NALCN: variants seen among roughly 807,000 people sequenced by gnomAD.
The protein encoded by NALCN is sodium leak channel NALCN.
Under a neutral mutation model 225.3 loss-of-function variants are expected in NALCN, and 111 were observed. That is an observed-to-expected ratio of 0.49 (90% CI 0.42 to 0.58). The LOEUF (loss-of-function observed/expected upper bound fraction) is 0.58, where lower values mean the gene tolerates loss of function less well. Ranked by LOEUF, NALCN falls within the 20% of genes least tolerant of loss-of-function variation. The probability of loss-of-function intolerance (pLI) is 0.00; values close to 1 mark genes in which losing one functional copy is unlikely to be tolerated. For synonymous variants in NALCN, 764 were observed against 769.0 expected (o/e 0.99, Z 0.11); for missense variants, 1,378 against 2,202.4 (o/e 0.63, Z 7.49).
intron 36 of NALCN, among the ~76,000 whole-genome samples, chr13:101,074,284 C>G (rs750056948): frequency 6.6e-6 from 1 of 151,932 alleles, no homozygotes; most frequent in Non-Finnish European, 1.5e-5. Context: ...TTTTTGTTTT[C>G]TTTTATTTCT....
intron 17 of NALCN, among the ~76,000 whole-genome samples, chr13:101,141,579 G>A (rs777093560): frequency 2.4e-4 from 37 of 152,144 alleles, no homozygotes; most frequent in Non-Finnish European, 4.0e-4. Context: ...GGAGCTGGGG[G>A]AGAGGTAAAC....
chr13:101,314,447 A>G (rs1488772592), intron 7 of NALCN, among the ~76,000 whole-genome samples: 2 of 152,232 alleles, frequency 1.3e-5, no homozygotes, highest in Non-Finnish European at 2.9e-5. Flanking sequence ...AGACTAATGT[A>G]GGAATAGGTG....
At chr13:101,330,615 C>T (rs150266505) in intron 7 of NALCN, among the ~76,000 whole-genome samples, 90 of 152,236 alleles carry the variant, frequency 5.9e-4, no homozygotes, top group African/African-American at 2.0e-3. Context: ...TTTTACAGTG[C>T]CCCCATAATG....
At chr13:101,353,208 C>A (rs944856148) in intron 6 of NALCN, among the ~76,000 whole-genome samples, 25 of 152,204 alleles carry the variant, frequency 1.6e-4, no homozygotes, top group Middle Eastern at 3.4e-3. Flanking sequence ...ATGAATATAG[C>A]CTTTGATACC....
intron 3 of NALCN, among the ~76,000 whole-genome samples, chr13:101,390,444 A>T (rs572084252): frequency 6.6e-6 from 1 of 152,252 alleles, no homozygotes; most frequent in East Asian, 1.9e-4. Context: ...CATGGAAAGA[A>T]AACAAAGGAA....
At chr13:101,111,507 T>C (rs1302545260) in intron 18 of NALCN, among the ~76,000 whole-genome samples, 1 of 152,068 alleles carries the variant, frequency 6.6e-6, no homozygotes, top group Admixed American at 6.5e-5. Flanking sequence ...CCAAAAATAA[T>C]GGTAGAGCTT....
intron 10 of NALCN, among the ~76,000 whole-genome samples, chr13:101,273,266 A>G (rs1292543862): frequency 1.3e-5 from 2 of 152,218 alleles, no homozygotes; most frequent in Non-Finnish European, 2.9e-5. Flanking sequence ...TGAGGGTCCA[A>G]TTGAATAGAC....
intron 14 of NALCN, among the ~76,000 whole-genome samples, chr13:101,187,512 G>C (rs1402533725): frequency 6.6e-6 from 1 of 152,180 alleles, no homozygotes; most frequent in Non-Finnish European, 1.5e-5. Flanking sequence ...TAATAGTCAA[G>C]AGATTAATAT....
At chr13:101,363,203 A>G (rs1429070948) in intron 6 of NALCN, among the ~76,000 whole-genome samples, 1 of 152,152 alleles carries the variant, frequency 6.6e-6, no homozygotes, top group Non-Finnish European at 1.5e-5. Flanking sequence ...CTATCAAAAT[A>G]CCAATGACAT....
intron 17 of NALCN, among the ~76,000 whole-genome samples, chr13:101,136,919 A>G (rs1033367085): frequency 5.9e-5 from 9 of 152,214 alleles, no homozygotes; most frequent in African/African-American, 2.2e-4. Context: ...GGTCCCACCA[A>G]CAGTGTAAAA....
chr13:101,346,663 A>C (rs2139305783), intron 6 of NALCN, among the ~76,000 whole-genome samples: 1 of 152,256 alleles, frequency 6.6e-6, no homozygotes, highest in Admixed American at 6.5e-5. Flanking sequence ...ATCCTTCTTA[A>C]GAATAGGTTG....
intron 13 of NALCN, among the ~76,000 whole-genome samples, chr13:101,223,655 A>G (rs781383285): frequency 2.6e-5 from 4 of 152,132 alleles, no homozygotes; most frequent in Non-Finnish European, 5.9e-5. Context: ...CATTCTAAAA[A>G]ACACCCTCAC....
At chr13:101,308,707 TA>T (rs1566558886) in intron 7 of NALCN, among the ~76,000 whole-genome samples, 1 of 152,174 alleles carries the variant, frequency 6.6e-6, no homozygotes, top group Non-Finnish European at 1.5e-5. Context: ...ATATGCTAAC[TA>T]AAAATTATTG....
At chr13:101,236,874 C>T (rs961030883) in intron 12 of NALCN, among the ~76,000 whole-genome samples, 3 of 150,478 alleles carry the variant, frequency 2.0e-5, no homozygotes, top group Non-Finnish European at 4.4e-5. Flanking sequence ...TGTAACTAAC[C>T]TGCACATTGT....
At chr13:101,244,939 T>G (rs774720802) in intron 11 of NALCN, among the ~76,000 whole-genome samples, 41 of 152,336 alleles carry the variant, frequency 2.7e-4, no homozygotes, top group Non-Finnish European at 3.5e-4. Context: ...GCCAGGGGCA[T>G]GCTGGGAGCC....
At chr13:101,092,427 C>T (rs1566803938) in intron 28 of NALCN, among the ~76,000 whole-genome samples, 1 of 152,214 alleles carries the variant, frequency 6.6e-6, no homozygotes, top group Non-Finnish European at 1.5e-5. Context: ...CTTCCTACAG[C>T]ACCCCAACGC....
intron 30 of NALCN, among the ~76,000 whole-genome samples, chr13:101,086,301 T>G (rs1027489919): frequency 6.6e-6 from 1 of 152,060 alleles, no homozygotes; most frequent in Non-Finnish European, 1.5e-5. Flanking sequence ...GATTCTTCTT[T>G]AATATATACA....
At chr13:101,297,421 A>G (rs781688895) in intron 7 of NALCN, among the ~76,000 whole-genome samples, 2 of 152,324 alleles carry the variant, frequency 1.3e-5, no homozygotes, top group Non-Finnish European at 2.9e-5. Flanking sequence ...TAAAAGAACA[A>G]AGAGGATTTA....
chr13:101,348,768 C>A (rs542352602), intron 6 of NALCN, among the ~76,000 whole-genome samples: 2 of 152,146 alleles, frequency 1.3e-5, no homozygotes, highest in South Asian at 4.1e-4. Context: ...AACATTTTTA[C>A]CAACATCAAG....
Sources: gnomAD v4.1 joint callset for allele counts (sites outside exome capture counted in the v4.1 genomes callset) on GRCh38, gnomAD v4.1.1 for gene constraint, MANE v1.5 for transcripts, NCBI Gene and HGNC (gene_info 2026-07-23, HGNC 2026-07-21) for gene names.